Variants in TMEM200A observed in about 807,000 individuals in gnomAD.
TMEM200A encodes the protein transmembrane protein 200A, also known as two transmembrane C.
Under a neutral mutation model 24.3 loss-of-function variants are expected in TMEM200A, and 12 were observed. That is an observed-to-expected ratio of 0.49 (90% confidence interval 0.32 to 0.80). The LOEUF is 0.80. Among genes scored for constraint, TMEM200A ranks in the 30% least tolerant of loss-of-function variants. TMEM200A has a pLI of 0.04. For synonymous variants in TMEM200A, 224 were observed against 224.4 expected, an observed-to-expected ratio of 1.00 and a Z score of 0.02; for missense variants, 545 against 614.4, an observed-to-expected ratio of 0.89 and a Z score of 1.19.
chr6:130,416,013 A>T (rs1779440892), intron 2 of TMEM200A, among the ~76,000 whole-genome samples: 1 of 152,056 alleles, frequency 6.6e-6, no homozygotes, highest in Admixed American at 6.6e-5. Context: ...TGTAATTATG[A>T]CATTTAAGAT....
chr6:130,374,564 C>T (rs1583171470), intron 1 of TMEM200A, among the ~76,000 whole-genome samples: 2 of 152,048 alleles, frequency 1.3e-5, no homozygotes, highest in South Asian at 4.2e-4. Context: ...TACAGGGGCA[C>T]ACCACCACGC....
At chr6:130,403,906 T>C (rs545762241) in intron 2 of TMEM200A, among the ~76,000 whole-genome samples, 2 of 152,278 alleles carry the variant, frequency 1.3e-5, no homozygotes, top group Admixed American at 6.5e-5. Context: ...CTCTCACTTA[T>C]AAGTGAGAAA....
Position 130,366,744 on chromosome 6 carries a change from C to T in TMEM200A, c.-81+220C>T, listed in dbSNP as rs147001989. Reference sequence around the variant, plus strand: ...GGAGCGCGAGAGAAGCCGTGCGGGGCAGCCTCCAAGAACCCGGAGTACTGG... The same window carrying T: ...GGAGCGCGAGAGAAGCCGTGCGGGGTAGCCTCCAAGAACCCGGAGTACTGG... On this transcript the variant is annotated intron_variant, in intron 1 of 2. Coordinates refer to ENST00000296978, the MANE Select transcript of TMEM200A (RefSeq NM_001258277.2). This position sits in a 1 kb window ranked among gnomAD's most constrained non-coding sequence, Gnocchi z 4.4. Among the ~76,000 whole-genome samples the T allele has an allele frequency of 2.0e-4, 30 of 152,352 alleles. No individual in the cohort carries two copies. The East Asian group carries it at 5.8e-3, about 29-fold the overall frequency.
chr6:130,419,272 A>T (rs551345536), intron 2 of TMEM200A, among the ~76,000 whole-genome samples: 4 of 152,314 alleles, frequency 2.6e-5, no homozygotes, highest in South Asian at 2.1e-4. Flanking sequence ...GTGGCCAAAT[A>T]GTATTCCATT....
chr6:130,421,510 TTGTG>T (rs60156754), intron 2 of TMEM200A, among the ~76,000 whole-genome samples: 348 of 149,018 alleles, frequency 2.3e-3, no homozygotes, highest in Middle Eastern at 0.01. Flanking sequence ...ACAGTTACCT[TTGTG>T]TGTGTGTGTG....
upstream of TMEM200A, chr6:130,365,995 G>T (rs570527586): frequency 1.2e-4 from 115 of 985,600 alleles, 1 homozygote; most frequent in African/African-American, 1.7e-3. Context: ...GCTTTATGGC[G>T]TGAGGTTTGG....
At chr6:130,437,103 G>A (rs71572928) in intron 2 of TMEM200A, 1 of 152,146 alleles carries the variant, frequency 6.6e-6, no homozygotes, top group Admixed American at 6.5e-5. Flanking sequence ...CTCCATGGCA[G>A]ATGTGTATAA....
chr6:130,394,608 C>T (rs1421924722), intron 2 of TMEM200A, among the ~76,000 whole-genome samples: 1 of 152,186 alleles, frequency 6.6e-6, no homozygotes, highest in African/African-American at 2.4e-5. Flanking sequence ...CTCTTCTCTT[C>T]ATGTCTGGCT....
At position 130,441,320 on chromosome 6, in the gene TMEM200A, AT is replaced by A. The variant is rs1420195061; in HGVS notation, c.900del (p.Ile300MetfsTer6). The A allele has an allele frequency of 2.5e-6, 4 of 1,614,134 alleles. No homozygotes were observed. The highest frequency in any genetic ancestry group is 3.4e-6 in the Non-Finnish European group (4 of 1,180,008). On this transcript the variant is annotated frameshift_variant, in exon 3 of 3. Coordinates refer to ENST00000296978, the MANE Select transcript of TMEM200A (RefSeq NM_001258277.2). LOFTEE classifies it high-confidence loss of function. ...TGTGATCAAACTTAATAACTGTGTT[AT>A]TGATGAGCCCAGTATAGATAACATC... ...LPVIKLNNCV[I>X]DEPSIDNITE...
rs202194512 is a variant in TMEM200A at position 130,441,845 on chromosome 6, G to C, written c.1423G>C (p.Asp475His). ...TCACAATAATTTGAGTTTTGAACAT[G>C]ATGAGTTTTTGAGTAACAACCTAAA... ...RSHNNLSFEH[D>H]EFLSNNLKRG... is the part of the protein sequence containing the mutation. The change falls in exon 3 of 3, where the codon GAT becomes CAT. Residue 475 changes from aspartate (D) to histidine (H), a missense_variant. By Grantham distance (81) the Asp-to-His change is moderately conservative. Transcript: ENST00000296978. 5 of 1,613,204 alleles carry C rather than the reference G, an allele frequency of 3.1e-6. No individual in the cohort carries two copies. The Admixed American group carries it at 6.7e-5, about 22-fold the overall frequency.
intron 2 of TMEM200A, among the ~76,000 whole-genome samples, chr6:130,398,696 A>G (rs773729277): frequency 3.9e-5 from 6 of 152,064 alleles, no homozygotes; most frequent in Admixed American, 1.3e-4. Context: ...GTGAGATGGT[A>G]TCTCATTGTG....
intron 2 of TMEM200A, among the ~76,000 whole-genome samples, chr6:130,429,955 C>T (rs1779836891): frequency 6.6e-6 from 1 of 152,140 alleles, no homozygotes; most frequent in South Asian, 2.1e-4. Context: ...AGAAATCCAA[C>T]ACCATGCTTA....
chr6:130,388,860 C>T (rs1274304155), intron 2 of TMEM200A, among the ~76,000 whole-genome samples: 1 of 152,122 alleles, frequency 6.6e-6, no homozygotes, highest in Admixed American at 6.6e-5. Flanking sequence ...TAACTCATGA[C>T]ATTTGGCACA....
At chr6:130,410,804 A>G (rs1353725649) in intron 2 of TMEM200A, among the ~76,000 whole-genome samples, 1 of 152,248 alleles carries the variant, frequency 6.6e-6, no homozygotes, top group East Asian at 1.9e-4. Context: ...GTGTTATCAT[A>G]GCTCTAGGAA....
intron 2 of TMEM200A, among the ~76,000 whole-genome samples, chr6:130,423,952 T>C (rs1049342582): frequency 6.6e-6 from 1 of 152,194 alleles, no homozygotes; most frequent in Non-Finnish European, 1.5e-5. Context: ...GTTGAACTTA[T>C]TTGGTCCTCA....
intron 2 of TMEM200A, among the ~76,000 whole-genome samples, chr6:130,432,296 C>T (rs554416026): frequency 8.8e-4 from 134 of 152,276 alleles, no homozygotes; most frequent in African/African-American, 3.0e-3. Context: ...ATCAGATGAA[C>T]GGGTTTAGGT....
chr6:130,420,490 G>A (rs1779556299), intron 2 of TMEM200A, among the ~76,000 whole-genome samples: 1 of 152,130 alleles, frequency 6.6e-6, no homozygotes, highest in Admixed American at 6.6e-5. Context: ...TCACCAGGAA[G>A]AGAGGAACAT....
At chr6:130,403,933 T>A (rs564466394) in intron 2 of TMEM200A, among the ~76,000 whole-genome samples, 1 of 152,190 alleles carries the variant, frequency 6.6e-6, no homozygotes, top group Non-Finnish European at 1.5e-5. Context: ...TATTTGGTTT[T>A]ATGCTCCTAT....
chr6:130,423,382 G>T (rs566364425), intron 2 of TMEM200A, among the ~76,000 whole-genome samples: 1 of 152,154 alleles, frequency 6.6e-6, no homozygotes, highest in South Asian at 2.1e-4. Context: ...CATATTTACT[G>T]AACATTTCTT....
Sources: gnomAD v4.1 joint callset for allele counts (sites outside exome capture counted in the v4.1 genomes callset) on GRCh38, gnomAD v4.1.1 for gene constraint, Gnocchi (gnomAD v3.1) non-coding constraint, MANE v1.5 for transcripts, NCBI Gene and HGNC (gene_info 2026-07-23, HGNC 2026-07-21) for gene names.